Variants in SAMD12 observed in about 807,000 individuals in gnomAD.
The protein encoded by SAMD12 is sterile alpha motif domain containing 12, also known as sterile alpha motif domain-containing protein 12.
A neutral mutation model predicts 15.0 loss-of-function variants in SAMD12; 9 were observed. The ratio of observed to expected loss-of-function variants is 0.60; its 90% CI spans 0.36 to 1.05. SAMD12 has a LOEUF of 1.05. SAMD12 is among the 50% of genes least tolerant of loss of function. The probability of loss-of-function intolerance (pLI) is 0.01; values close to 1 mark genes in which losing one functional copy is unlikely to be tolerated. For synonymous variants in SAMD12, 86 were observed against 90.1 expected (o/e 0.96, Z 0.25); for missense variants, 230 against 234.2 (o/e 0.98, Z 0.12).
intron 3 of SAMD12, among the ~76,000 whole-genome samples, chr8:118,405,629 A>AC (rs1202355792): frequency 4.6e-5 from 7 of 152,008 alleles, no homozygotes; most frequent in Admixed American, 3.9e-4. Context: ...ATTGAGCTGT[A>AC]CCTAAGATTT....
At chr8:118,553,843 A>T (rs1826429887) in intron 2 of SAMD12, among the ~76,000 whole-genome samples, 1 of 145,508 alleles carries the variant, frequency 6.9e-6, no homozygotes, top group South Asian at 2.1e-4. Flanking sequence ...CAAGAAAAAA[A>T]CAAACAACCC....
intron 4 of SAMD12, among the ~76,000 whole-genome samples, chr8:118,269,194 T>TTCTCTCTCTCTC (rs762035151): frequency 2.9e-5 from 4 of 138,556 alleles, no homozygotes; most frequent in African/African-American, 1.2e-4. Context: ...TTTGCTTTTG[T>TTCTCTCTCTCTC]TCTCTCTCTC....
intron 1 of SAMD12, among the ~76,000 whole-genome samples, chr8:118,589,125 A>T (rs73319362): frequency 0.035 from 5,339 of 152,272 alleles, 383 homozygotes; most frequent in East Asian, 0.34. Context: ...ACTGGAAAAA[A>T]AGAAGTTATT....
intron 2 of SAMD12, among the ~76,000 whole-genome samples, chr8:118,509,322 T>A (rs1254084620): frequency 6.6e-6 from 1 of 152,202 alleles, no homozygotes; most frequent in Non-Finnish European, 1.5e-5. Flanking sequence ...CCAAAAGAGT[T>A]GCCACATCTA....
At chr8:118,175,152 A>C in the SAMD12 span, among the ~76,000 whole-genome samples, 2 of 152,308 alleles carry the variant, frequency 1.3e-5, no homozygotes, top group Non-Finnish European at 2.9e-5. Context: ...ACATAGACCC[A>C]TGGAACAGAT....
At chr8:118,532,821 TTCTC>T (rs1825727715) in intron 2 of SAMD12, among the ~76,000 whole-genome samples, 2 of 152,200 alleles carry the variant, frequency 1.3e-5, no homozygotes, top group African/African-American at 2.4e-5. Flanking sequence ...TATTTGATTC[TTCTC>T]TCTTTTTTTC....
chr8:118,459,039 A>G (rs939285074), intron 2 of SAMD12, among the ~76,000 whole-genome samples: 2 of 148,778 alleles, frequency 1.3e-5, no homozygotes, highest in Non-Finnish European at 3.0e-5. Context: ...CTTTTAAAAA[A>G]AATCTGCTAC....
chr8:118,440,307 T>G (rs1172868617), intron 2 of SAMD12, among the ~76,000 whole-genome samples: 1 of 152,156 alleles, frequency 6.6e-6, no homozygotes, highest in African/African-American at 2.4e-5. Context: ...CCCAAGTGCC[T>G]TTCTCTGTAT....
intron 4 of SAMD12, among the ~76,000 whole-genome samples, chr8:118,302,322 T>C (rs930446020): frequency 6.6e-6 from 1 of 152,182 alleles, no homozygotes; most frequent in Non-Finnish European, 1.5e-5. Flanking sequence ...TCTTTGCTCA[T>C]AAATTCATTT....
intron 4 of SAMD12, among the ~76,000 whole-genome samples, chr8:118,223,840 T>C (rs561839607): frequency 6.6e-6 from 1 of 152,320 alleles, no homozygotes; most frequent in African/African-American, 2.4e-5. Context: ...AGATCTTGTT[T>C]TTCTTGCAAG....
intron 2 of SAMD12, among the ~76,000 whole-genome samples, chr8:118,454,591 A>G (rs1823187443): frequency 2.0e-5 from 3 of 152,172 alleles, no homozygotes; most frequent in Non-Finnish European, 1.5e-5. Context: ...TTTCAAATTG[A>G]GTATCTACAT....
intron 1 of SAMD12, among the ~76,000 whole-genome samples, chr8:118,606,763 A>G (rs1272638389): frequency 6.6e-6 from 1 of 152,192 alleles, no homozygotes; most frequent in Non-Finnish European, 1.5e-5. Flanking sequence ...CTAGAAACCT[A>G]AATCTTAAAG....
chr8:118,445,451 C>T (rs1822886054), intron 2 of SAMD12, among the ~76,000 whole-genome samples: 1 of 152,152 alleles, frequency 6.6e-6, no homozygotes, highest in East Asian at 1.9e-4. Context: ...GGGTTTGGAC[C>T]TAAATATTTT....
the SAMD12 span, among the ~76,000 whole-genome samples, chr8:118,152,562 A>C: frequency 1.3e-5 from 2 of 151,010 alleles, 1 homozygote; most frequent in Non-Finnish European, 2.9e-5. Flanking sequence ...GCAATGGTAC[A>C]AGATTGGCTC....
the SAMD12 span, among the ~76,000 whole-genome samples, chr8:118,161,797 G>A: frequency 6.6e-6 from 1 of 151,696 alleles, no homozygotes; most frequent in Admixed American, 6.6e-5. Context: ...AGGGGCAAAT[G>A]GCATATAAAC....
At chr8:118,384,819 G>GAA (rs1230598188) in intron 3 of SAMD12, among the ~76,000 whole-genome samples, 1 of 152,188 alleles carries the variant, frequency 6.6e-6, no homozygotes, top group East Asian at 1.9e-4. Flanking sequence ...CCAAAGCTCT[G>GAA]AGTTGTCTGG....
chr8:118,533,162 G>T (rs1422217899), intron 2 of SAMD12, among the ~76,000 whole-genome samples: 1 of 152,118 alleles, frequency 6.6e-6, no homozygotes, highest in African/African-American at 2.4e-5. Context: ...TGGTTTCAAA[G>T]AACATCTTTA....
In SAMD12 at chr8:118,407,355, T is replaced by C. The variant is rs112192352; in HGVS notation, c.323-27655A>G. Among the ~76,000 whole-genome samples the C allele has an allele frequency of 9.9e-3, 1,511 of 152,308 alleles. 32 individuals carry two copies. Among genetic ancestry groups the C allele is most frequent in the African/African-American group, 0.034 (1,414 of 41,550 alleles). ...ATTTTCTGTTTTTCAATAGTCGCCA[T>C]CCTAATGGCCATGAAGTGACATATC... On this transcript the variant is annotated intron_variant, in intron 3 of 3. Coordinates refer to ENST00000314727, the MANE Select transcript of SAMD12 (RefSeq NM_207506.3).
intron 2 of SAMD12, among the ~76,000 whole-genome samples, chr8:118,455,791 T>A (rs111258980): frequency 2.6e-5 from 4 of 152,292 alleles, no homozygotes; most frequent in African/African-American, 9.6e-5. Context: ...ATCCCAGTAA[T>A]CATCCTTATA....
Sources: gnomAD v4.1 joint callset for allele counts (sites outside exome capture counted in the v4.1 genomes callset) on GRCh38, gnomAD v4.1.1 for gene constraint, MANE v1.5 for transcripts, NCBI Gene and HGNC (gene_info 2026-07-23, HGNC 2026-07-21) for gene names.